ISM1: variants seen among roughly 807,000 people sequenced by gnomAD.
ISM1 encodes isthmin-1.
A neutral mutation model predicts 46.3 loss-of-function variants in ISM1; 25 were observed. The ratio of observed to expected loss-of-function variants is 0.54; its 90% CI spans 0.39 to 0.75. ISM1 has a LOEUF of 0.75. Ranked by LOEUF, ISM1 falls within the 30% of genes least tolerant of loss-of-function variation. ISM1 has a pLI of 0.00. For synonymous variants in ISM1, 255 were observed against 256.7 expected, an observed-to-expected ratio of 0.99 and a Z score of 0.06; for missense variants, 536 against 625.4, an observed-to-expected ratio of 0.86 and a Z score of 1.52.
chr20:13,304,587 T>A (rs184889879), downstream of ISM1, among the ~76,000 whole-genome samples: 2 of 152,160 alleles, frequency 1.3e-5, no homozygotes, highest in Admixed American at 6.5e-5. Context: ...GCTTTTTCCA[T>A]CATCGTGGAG....
At chr20:13,317,886 A>G in the ISM1 span, among the ~76,000 whole-genome samples, 1 of 151,074 alleles carries the variant, frequency 6.6e-6, no homozygotes, top group Non-Finnish European at 1.5e-5. Flanking sequence ...GTGTTAGGCA[A>G]TGACTTTTTA....
In ISM1 at chr20:13,221,433, G is replaced by GGCCCA. The variant is rs2039445211; in HGVS notation, c.-343_-342insCCCAG. On this transcript the variant is annotated 5_prime_UTR_variant, in exon 1 of 6. The change abolishes the stop of an existing upstream ORF in the 5' untranslated region. Transcript: ENST00000262487. ...AGCAGGGTGGCCTCCGGCCCGGCCCGGGTCCCGGGCTGTCCCGGGACCCAG... is the reference window on the plus strand; with the variant it reads ...AGCAGGGTGGCCTCCGGCCCGGCCCGGCCCAGGTCCCGGGCTGTCCCGGGACCCAG... Among the ~76,000 whole-genome samples the GGCCCA allele has an allele frequency of 6.8e-6, 1 of 146,298 alleles. No homozygotes were observed. Among genetic ancestry groups the GGCCCA allele is most frequent in the African/African-American group, 2.5e-5 (1 of 40,564 alleles).
chr20:13,257,377 C>T (rs1279413881), intron 1 of ISM1, among the ~76,000 whole-genome samples: 2 of 152,030 alleles, frequency 1.3e-5, no homozygotes, highest in African/African-American at 4.8e-5. Flanking sequence ...ATTAGCCAAG[C>T]GTGGTGGTGG....
the ISM1 span, among the ~76,000 whole-genome samples, chr20:13,311,208 T>C: frequency 3.2e-5 from 4 of 125,346 alleles, no homozygotes; most frequent in South Asian, 7.8e-4. Flanking sequence ...AAAATAGATA[T>C]AGATAGATGA....
At chr20:13,287,206 C>T (rs972506841) in intron 3 of ISM1, among the ~76,000 whole-genome samples, 2 of 152,174 alleles carry the variant, frequency 1.3e-5, no homozygotes, top group African/African-American at 4.8e-5. Context: ...CTCACAGTTC[C>T]ACATGGCTGG....
intron 2 of ISM1, among the ~76,000 whole-genome samples, chr20:13,277,536 T>C (rs2123274901): frequency 6.6e-6 from 1 of 152,292 alleles, no homozygotes; most frequent in East Asian, 1.9e-4. Context: ...CTTTCTGAGC[T>C]TCTGTGTGGG....
chr20:13,274,059 T>TTGTGTGTG (rs143496462), intron 2 of ISM1, among the ~76,000 whole-genome samples: 3,100 of 150,802 alleles, frequency 0.021, 96 homozygotes, highest in African/African-American at 0.067. Context: ...TGGCGTGTAA[T>TTGTGTGTG]TGTGTGTGTG....
chr20:13,302,818 C>T (rs2040470319), downstream of ISM1, among the ~76,000 whole-genome samples: 1 of 152,152 alleles, frequency 6.6e-6, no homozygotes, highest in Non-Finnish European at 1.5e-5. Flanking sequence ...ATGCCCACGG[C>T]CCTCTAGTGG....
In ISM1 at chr20:13,247,006, C is replaced by T. The variant is rs1283875846; in HGVS notation, c.139-23498C>T. On this transcript the variant is annotated intron_variant, in intron 1 of 5. Transcript: ENST00000262487. ...ATCCCAGCACTTTGGGAGGCTGAGG[C>T]GGGTGGATCACCTGAGATCAGGAGT... Among the ~76,000 whole-genome samples the T allele has an allele frequency of 5.3e-5, 8 of 152,088 alleles. No individual in the cohort carries two copies. In the East Asian group the frequency reaches 9.7e-4, roughly 18 times the overall value.
the ISM1 span, among the ~76,000 whole-genome samples, chr20:13,319,716 A>G: frequency 1.3e-5 from 2 of 152,182 alleles, no homozygotes; most frequent in African/African-American, 4.8e-5. Context: ...GTTTGTATCT[A>G]TTTGAAGATT....
In ISM1 at chr20:13,221,579, G is replaced by C. The variant is rs1237218310; in HGVS notation, c.-198G>C. Among the ~76,000 whole-genome samples the C allele has an allele frequency of 2.1e-5, 3 of 142,454 alleles. No individual in the cohort carries two copies. Among genetic ancestry groups the C allele is most frequent in the Non-Finnish European group, 3.1e-5 (2 of 64,788 alleles). 93.5% of individuals were successfully genotyped at this position (142,454 alleles called of 152,430 possible). Reference sequence around the variant, plus strand: ...CGGCGGCGGCGGCGGCGGCGGCGCCGGCAGCTCCTGCTCCCCCGGCCCCGC... The same window carrying C: ...CGGCGGCGGCGGCGGCGGCGGCGCCCGCAGCTCCTGCTCCCCCGGCCCCGC... On this transcript the variant is annotated 5_prime_UTR_variant, in exon 1 of 6. Transcript: ENST00000262487.
chr20:13,222,940 A>G (rs2123113861), intron 1 of ISM1, among the ~76,000 whole-genome samples: 1 of 152,206 alleles, frequency 6.6e-6, no homozygotes, highest in East Asian at 1.9e-4. Flanking sequence ...AGGCGGGTGG[A>G]TCACCTCAGG....
In ISM1 at chr20:13,236,175, G is replaced by A. The variant is rs145003049; in HGVS notation, c.138+14261G>A. On this transcript the variant is annotated intron_variant, in intron 1 of 5. Transcript: ENST00000262487. ...CTTAACCTTGTGATCCACCCACCTC[G>A]GCCTCCCAAAGTGCTGGGATTACAG... Among the ~76,000 whole-genome samples, 647 of 152,168 alleles carry A rather than the reference G, an allele frequency of 4.3e-3. 2 individuals carry two copies. The highest frequency in any genetic ancestry group is 0.015 in the African/African-American group (615 of 41,504).
At chr20:13,233,682 G>T (rs1179171703) in intron 1 of ISM1, among the ~76,000 whole-genome samples, 1 of 151,978 alleles carries the variant, frequency 6.6e-6, no homozygotes, top group African/African-American at 2.4e-5. Context: ...GACCTTCTGG[G>T]CACATGGGAC....
the ISM1 span, among the ~76,000 whole-genome samples, chr20:13,312,528 C>A: frequency 6.6e-6 from 1 of 152,212 alleles, no homozygotes; most frequent in South Asian, 2.1e-4. Context: ...GAACCATGTT[C>A]TAAATTCAGC....
chr20:13,277,588 A>G (rs749672916), intron 2 of ISM1, among the ~76,000 whole-genome samples: 5 of 151,658 alleles, frequency 3.3e-5, no homozygotes, highest in Non-Finnish European at 7.4e-5. Flanking sequence ...CATTCCAGCA[A>G]ATAGCAATGA....
chr20:13,310,822 T>G, the ISM1 span, among the ~76,000 whole-genome samples: 2 of 152,184 alleles, frequency 1.3e-5, no homozygotes. Context: ...AGTTGCTCAA[T>G]GTCACTAACC....
intron 2 of ISM1, among the ~76,000 whole-genome samples, chr20:13,275,313 G>A (rs1240183217): frequency 6.6e-6 from 1 of 152,172 alleles, no homozygotes; most frequent in East Asian, 1.9e-4. Context: ...CAGGGTTACA[G>A]TTGTACGTGC....
Position 13,270,733 on chromosome 20 carries a change from CA to C in ISM1, c.371del (p.Asn124IlefsTer6). 6.2e-7 allele frequency: 1 copy of C among 1,613,604 alleles called. No individual in the cohort carries two copies. Among genetic ancestry groups the C allele is most frequent in the Non-Finnish European group, 8.5e-7 (1 of 1,179,706 alleles). On this transcript the variant is annotated frameshift_variant, in exon 2 of 6. Coordinates refer to ENST00000262487, the MANE Select transcript of ISM1 (RefSeq NM_080826.2). LOFTEE classifies it high-confidence loss of function. ...AAAGCTGATATCAATGGGCAGAATC[CA>C]AATATCCAGGTAATTCTTGGCACCT... ...LSKADINGQN[P>X]NIQVTIEVVD...
Sources: gnomAD v4.1 joint callset for allele counts (sites outside exome capture counted in the v4.1 genomes callset) on GRCh38, gnomAD v4.1.1 for gene constraint, MANE v1.5 for transcripts, NCBI Gene and HGNC (gene_info 2026-07-23, HGNC 2026-07-21) for gene names.